Variants in YEATS2 observed in about 807,000 individuals in gnomAD.
YEATS2 encodes YEATS domain containing 2.
Under a neutral mutation model 163.2 loss-of-function variants are expected in YEATS2, and 77 were observed. That is an observed-to-expected ratio of 0.47 (90% confidence interval 0.39 to 0.57). YEATS2 has a LOEUF of 0.57. Among genes scored for constraint, YEATS2 ranks in the 20% least tolerant of loss-of-function variants. YEATS2 has a pLI of 0.00. For synonymous variants in YEATS2, 631 were observed against 645.1 expected (o/e 0.98, Z 0.33); for missense variants, 1,549 against 1,729.8 (o/e 0.90, Z 1.85).
intron 15 of YEATS2, among the ~76,000 whole-genome samples, chr3:183,770,981 A>G (rs771282193): frequency 5.3e-4 from 80 of 152,196 alleles, no homozygotes; most frequent in Admixed American, 5.9e-4. Context: ...AAATAATGCT[A>G]TGTTGGGCAT....
chr3:183,714,540 A>G (rs1577042853), intron 1 of YEATS2, among the ~76,000 whole-genome samples: 1 of 151,874 alleles, frequency 6.6e-6, no homozygotes, highest in African/African-American at 2.4e-5. Flanking sequence ...AGACTTGTGT[A>G]TGTGGGGCTT....
intron 18 of YEATS2, among the ~76,000 whole-genome samples, chr3:183,776,781 G>C (rs977810411): frequency 2.4e-4 from 36 of 152,090 alleles, no homozygotes; most frequent in South Asian, 1.0e-3. Flanking sequence ...GTGAAACCCT[G>C]TCTCTATTAA....
intron 26 of YEATS2, chr3:183,803,587 A>G (rs540985690): frequency 1.1e-5 from 6 of 546,318 alleles, no homozygotes; most frequent in African/African-American, 1.9e-5. Context: ...GAACTCGAGT[A>G]TTGAGTCCTT....
At chr3:183,751,299 T>G (rs935457084) in intron 9 of YEATS2, among the ~76,000 whole-genome samples, 12 of 152,250 alleles carry the variant, frequency 7.9e-5, no homozygotes, top group Admixed American at 7.9e-4. Context: ...TATGTCTGTC[T>G]TTATGCCAGC....
intron 2 of YEATS2, 69 bp from the exon 3 acceptor site, chr3:183,717,582 C>A: frequency 8.5e-7 from 1 of 1,170,782 alleles, no homozygotes; most frequent in Non-Finnish European, 1.2e-6. Flanking sequence ...TCTTTTGTTG[C>A]TTGCTGACTT....
At chr3:183,724,799 A>G (rs1053916853) in intron 6 of YEATS2, among the ~76,000 whole-genome samples, 1 of 152,112 alleles carries the variant, frequency 6.6e-6, no homozygotes, top group Non-Finnish European at 1.5e-5. Context: ...CCAGAATGCA[A>G]TGGCATGATC....
In YEATS2 at chr3:183,722,098, A is replaced by G. The variant is rs1167497090; in HGVS notation, c.499A>G (p.Asn167Asp). ...TATGGATATAGAGGAAAGACTCTCA[A>G]ACAACATGGAGCAGAGACCAAGCCG... ...SNMDIEERLS[N>D]NMEQRPSRNT... Residue 167 changes from asparagine (N) to aspartate (D), a missense_variant, in exon 5 of 31, where the codon AAC becomes GAC. Physicochemically the swap from Asn to Asp is conservative, Grantham distance 23. Transcript: ENST00000305135. 2.5e-6 allele frequency: 4 copies of G among 1,614,102 alleles called. No individual in the cohort carries two copies. Among genetic ancestry groups the G allele is most frequent in the South Asian group, 1.1e-5 (1 of 91,080 alleles).
In YEATS2 at chr3:183,772,465, G is replaced by A; in HGVS notation, c.2108G>A (p.Ser703Asn). The A allele has an allele frequency of 6.2e-7, 1 of 1,614,128 alleles. No homozygotes were observed. Among genetic ancestry groups the A allele is most frequent in the South Asian group, 1.1e-5 (1 of 91,080 alleles). ...CAAGGAGTTGCCAAAGCAATTGTGA[G>A]TGGAGGTGGAGGAACCATTGTTGCT... The part of the protein sequence containing the change: ...VTQGVAKAIV[S>N]GGGGTIVAQP... Residue 703 changes from serine (S) to asparagine (N), a missense_variant, in exon 16 of 31, where the codon AGT (serine) becomes AAT (asparagine). Transcript: ENST00000305135.
intron 7 of YEATS2, among the ~76,000 whole-genome samples, chr3:183,730,384 C>G (rs910774616): frequency 6.6e-6 from 1 of 152,030 alleles, no homozygotes; most frequent in Non-Finnish European, 1.5e-5. Context: ...TGTATAAATG[C>G]ACTGTGGAAG....
At chr3:183,723,022 G>A (rs113218609) in intron 5 of YEATS2, among the ~76,000 whole-genome samples, 39 of 152,330 alleles carry the variant, frequency 2.6e-4, no homozygotes, top group African/African-American at 8.4e-4. Context: ...TGCTGTTTAC[G>A]TAGGTGTGAA....
chr3:183,808,993 T>C, intron 29 of YEATS2, 104 bp from the exon 30 acceptor site: 1 of 1,122,978 alleles, frequency 8.9e-7, no homozygotes, highest in South Asian at 1.3e-5. Flanking sequence ...TAATCCCTAG[T>C]TGCAGTGGTT....
chr3:183,761,524 T>C lies in YEATS2; in HGVS notation c.1674T>C (p.Phe558=), dbSNP rs780973787. ...ACACACAGCAGGAGGATTCTTTGTT[T>C]GCATCTATGCCACCTCTTTGCCCAA... ...TSTVKQEDSL[F]ASMPPLCPIG... The change falls in exon 14 of 31, where the codon TTT becomes TTC. Residue 558 remains phenylalanine, a synonymous_variant. Transcript: ENST00000305135. 1 of 1,614,192 alleles carries C rather than the reference T, an allele frequency of 6.2e-7. No individual in the cohort carries two copies. The highest frequency in any genetic ancestry group is 8.5e-7 in the Non-Finnish European group (1 of 1,180,012).
At chr3:183,791,129 G>T (rs1724593206) in intron 21 of YEATS2, 149 bp downstream of exon 21, 2 of 1,094,376 alleles carry the variant, frequency 1.8e-6, no homozygotes, top group Non-Finnish European at 1.3e-6. Flanking sequence ...TGCCTTCCAG[G>T]CTCAAGCCAT....
At chr3:183,702,835 A>AG (rs1045584587) in intron 1 of YEATS2, among the ~76,000 whole-genome samples, 3 of 148,414 alleles carry the variant, frequency 2.0e-5, no homozygotes, top group African/African-American at 7.4e-5. Context: ...CTCTCTCTCA[A>AG]AAAAAAAAAA....
intron 16 of YEATS2, among the ~76,000 whole-genome samples, chr3:183,772,882 AGTCCCCT>A (rs1306915544): frequency 2.6e-5 from 4 of 152,186 alleles, no homozygotes; most frequent in Non-Finnish European, 5.9e-5. Context: ...GCTAATCCAC[AGTCCCCT>A]GTGTAAAATG....
rs1357543480 is a variant in YEATS2 at position 183,772,337 on chromosome 3, T to C, written c.1980T>C (p.Pro660=). 6.2e-7 allele frequency: 1 copy of C among 1,614,050 alleles called. No homozygotes were observed. Among genetic ancestry groups the C allele is most frequent in the Non-Finnish European group, 8.5e-7 (1 of 1,180,050 alleles). Residue 660 remains proline, a synonymous_variant, in exon 16 of 31, where the codon CCT becomes CCC. Transcript: ENST00000305135. ...GGGTACCAGTTGGGTCTGCTTTACC[T>C]TCAACAGTGAAGCAGGCTGTGGCGA... The part of the protein sequence containing the change: ...VVGVPVGSAL[P]STVKQAVAIS...
intron 23 of YEATS2, among the ~76,000 whole-genome samples, 199 bp from the exon 24 acceptor site, chr3:183,800,267 A>C (rs1298281957): frequency 1.3e-5 from 2 of 152,218 alleles, no homozygotes; most frequent in Non-Finnish European, 2.9e-5. Flanking sequence ...AGTTGTCCTG[A>C]GACCCAGGCT....
chr3:183,747,254 T>C lies in YEATS2; in HGVS notation c.925-418T>C, dbSNP rs1282003680. Among the ~76,000 whole-genome samples the C allele has an allele frequency of 2.0e-5, 3 of 152,330 alleles. No individual in the cohort carries two copies. The East Asian group carries it at 5.8e-4, about 29-fold the overall frequency. On this transcript the variant is annotated intron_variant, in intron 8 of 30. Coordinates refer to ENST00000305135, the MANE Select transcript of YEATS2 (RefSeq NM_018023.5). The stretch of plus-strand genomic sequence containing the variant: ...TATGTATAGCCTGTCATTTAAAATA[T>C]CTGTACACAGTCTTTGCAAACCTCA...
At chr3:183,765,007 T>C (rs1245316474) in intron 15 of YEATS2, among the ~76,000 whole-genome samples, 1 of 152,192 alleles carries the variant, frequency 6.6e-6, no homozygotes, top group Non-Finnish European at 1.5e-5. Flanking sequence ...CTGATTCATC[T>C]ACTTAGGCAG....
Sources: allele counts gnomAD v4.1 joint callset (sites outside exome capture counted in the v4.1 genomes callset), GRCh38; gene constraint gnomAD v4.1.1; transcripts MANE v1.5; gene names NCBI Gene and HGNC (gene_info 2026-07-23, HGNC 2026-07-21).